SLC22A12: variants seen among roughly 807,000 people sequenced by gnomAD.
The protein encoded by SLC22A12 is solute carrier family 22 member 12.
SLC22A12 carries 56 observed loss-of-function variants against 52.7 expected under a neutral mutation model. The ratio of observed to expected loss-of-function variants is 1.06; its 90% confidence interval spans 0.86 to 1.33. The LOEUF is 1.33. Ranked by LOEUF, SLC22A12 falls within the 40% of genes most tolerant of loss-of-function variation. The pLI is 0.00. For missense variants in SLC22A12, 683 were observed against 741.5 expected, an observed-to-expected ratio of 0.92 and a Z score of 0.92; for synonymous variants, 337 against 324.6, an observed-to-expected ratio of 1.04 and a Z score of -0.41.
chr11:64,591,709 A>T lies in SLC22A12; in HGVS notation c.153A>T (p.Ala51=), dbSNP rs1345747920. ...CCGTGCCCAGCCACCGCTGCTGGGCACCCCTCCTGGACAACAGCACGGCTC... is the reference window on the plus strand; with the variant it reads ...CCGTGCCCAGCCACCGCTGCTGGGCTCCCCTCCTGGACAACAGCACGGCTC... ...SAAVPSHRCW[A]PLLDNSTAQA... The change falls in exon 1 of 10, where the codon GCA becomes GCT. Residue 51 remains alanine, a synonymous_variant. Transcript: ENST00000377574. 1.2e-6 allele frequency: 2 copies of T among 1,612,142 alleles called. No individual in the cohort carries two copies. Among genetic ancestry groups the T allele is most frequent in the African/African-American group, 2.7e-5 (2 of 74,834 alleles).
Position 64,600,144 on chromosome 11 carries a change from C to T in SLC22A12, c.1286-223C>T, listed in dbSNP as rs545807636. On this transcript the variant is annotated intron_variant, in intron 7 of 9. Coordinates refer to ENST00000377574, the MANE Select transcript of SLC22A12 (RefSeq NM_144585.4). Reference sequence around the variant, plus strand: ...GTGATGGATTGCAGGAGGAGGGAAACGGGGTCAAGAAGGACTCCTCGGGGC... The same window carrying T: ...GTGATGGATTGCAGGAGGAGGGAAATGGGGTCAAGAAGGACTCCTCGGGGC... Among the ~76,000 whole-genome samples the T allele has an allele frequency of 9.9e-5, 15 of 152,272 alleles. 1 individual carries two copies. In the South Asian group the frequency reaches 2.7e-3, roughly 27 times the overall value.
intron 2 of SLC22A12, among the ~76,000 whole-genome samples, 164 bp downstream of exon 2, chr11:64,593,046 AG>A (rs1227611186): frequency 6.6e-6 from 1 of 152,186 alleles, no homozygotes; most frequent in Non-Finnish European, 1.5e-5. Flanking sequence ...CGTGCCAGGT[AG>A]GGAGGTCTGG....
At chr11:64,592,958 C>G (rs865929844) in intron 2 of SLC22A12, 76 bp downstream of exon 2, 10 of 1,354,894 alleles carry the variant, frequency 7.4e-6, no homozygotes, top group Middle Eastern at 1.8e-4. Context: ...CCGACTGGCC[C>G]CAAACCAGCC....
At position 64,593,893 on chromosome 11, in the gene SLC22A12, G is replaced by C; in HGVS notation, c.830+90G>C. 4 of 1,529,340 alleles carry C rather than the reference G, an allele frequency of 2.6e-6. No individual in the cohort carries two copies. In the Admixed American group the frequency reaches 7.7e-5, roughly 30 times the overall value. 94.7% of individuals were successfully genotyped at this position (1,529,340 alleles called of 1,614,324 possible). ...GGAGACTCTCCTTTCCCTGGGGGCT[G>C]GGGAGTGCTAGAGGCCAGGGGTGCA... On this transcript the variant is annotated intron_variant, in intron 4 of 9. Transcript: ENST00000377574.
At chr11:64,594,732 G>C (rs1350006400) in intron 4 of SLC22A12, among the ~76,000 whole-genome samples, 1 of 144,758 alleles carries the variant, frequency 6.9e-6, no homozygotes, top group African/African-American at 2.5e-5. Context: ...TGGACGGACA[G>C]ACGGACGGAC....
chr11:64,591,281 AGG>A lies in SLC22A12; in HGVS notation c.-275_-274del, dbSNP rs2038908345. ...ACTTTCCAAATTCAGCTTTCCCGGG[AGG>A]TCTGGAGCAGCTGCCTCTCTGGGGA... is the stretch of plus-strand genomic sequence containing the variant. On this transcript the variant is annotated 5_prime_UTR_variant, in exon 1 of 10. Transcript: ENST00000377574. 2 of 499,918 alleles carry A rather than the reference AGG, an allele frequency of 4.0e-6. No homozygotes were observed. Among genetic ancestry groups the A allele is most frequent in the African/African-American group, 1.9e-5 (1 of 52,150 alleles). The allele number at this position is 499,918 out of a possible 1,614,324, so 31.0% of individuals were successfully genotyped here.
intron 1 of SLC22A12, 132 bp downstream of exon 1, chr11:64,592,090 C>T: frequency 1.4e-6 from 2 of 1,402,142 alleles, no homozygotes; most frequent in Non-Finnish European, 9.7e-7. Flanking sequence ...TCGAGCCTCT[C>T]AGCCCCTCGT....
At chr11:64,599,371 G>A (rs889380454) in intron 6 of SLC22A12, among the ~76,000 whole-genome samples, 6 of 152,078 alleles carry the variant, frequency 3.9e-5, no homozygotes, top group African/African-American at 1.4e-4. Flanking sequence ...AAGGGACATA[G>A]TCACTCCCAG....
At chr11:64,600,969 C>T in intron 9 of SLC22A12, 31 bp downstream of exon 9, 1 of 1,602,066 alleles carries the variant, frequency 6.2e-7, no homozygotes, top group Non-Finnish European at 8.5e-7. Context: ...GACCACCCCT[C>T]CCTCCCACCA....
chr11:64,593,549 G>A lies in SLC22A12; in HGVS notation c.651G>A (p.Thr217=), dbSNP rs746758204. 1.2e-5 allele frequency: 19 copies of A among 1,614,032 alleles called. No homozygotes were observed. The African/African-American group carries it at 1.3e-4, about 11-fold the overall frequency. The change falls in exon 3 of 10, where the codon ACG becomes ACA. Residue 217 remains threonine (T), a synonymous_variant. Coordinates refer to ENST00000377574, the MANE Select transcript of SLC22A12 (RefSeq NM_144585.4). ...CCGTGGCAGGCGTCATGATGAACAC[G>A]GGCACTCTCCGTAGGTCTCTGACCT... ...AFAVAGVMMN[T]GTLLMEWTAA...
chr11:64,595,094 A>T (rs866517517), intron 4 of SLC22A12, among the ~76,000 whole-genome samples: 7 of 40,082 alleles, frequency 1.7e-4, no homozygotes, highest in South Asian at 1.8e-3. Context: ...ATAGATGGAA[A>T]GGATGGATGG....
rs368230750 is a variant in SLC22A12 at position 64,598,933 on chromosome 11, C to T, written c.1070+10C>T. The T allele has an allele frequency of 8.1e-6, 13 of 1,612,114 alleles. No individual in the cohort carries two copies. The highest frequency in any genetic ancestry group is 2.7e-5 in the African/African-American group (2 of 74,936). ...TCTCCACGTTGTGCTGGTAGATGCC[C>T]TTCCCCCAACCCCACCTCCACAGGG... On this transcript the variant is annotated intron_variant, in intron 6 of 9. Transcript: ENST00000377574.
At chr11:64,600,327 G>C (rs766671825) in intron 7 of SLC22A12, 40 bp from the exon 8 acceptor site, 2 of 1,486,732 alleles carry the variant, frequency 1.3e-6, no homozygotes, top group Admixed American at 1.9e-5. Context: ...TCTGATCTTG[G>C]GCCCCCCACC....
chr11:64,601,659 C>T lies in SLC22A12; in HGVS notation c.*108C>T. 1.6e-6 allele frequency: 2 copies of T among 1,246,440 alleles called. No homozygotes were observed. Among genetic ancestry groups the T allele is most frequent in the Admixed American group, 1.9e-5 (1 of 51,338 alleles). The allele number at this position is 1,246,440 out of a possible 1,614,324, so 77.2% of individuals were successfully genotyped here. On this transcript the variant is annotated 3_prime_UTR_variant, in exon 10 of 10. Coordinates refer to ENST00000377574, the MANE Select transcript of SLC22A12 (RefSeq NM_144585.4). ...TCCATTTCCAGAGGCCCAGAGGCTG[C>T]CCTCTGAGGTCCCCACTCTCCCCCA...
Position 64,600,464 on chromosome 11 carries a change from CA to C in SLC22A12, c.1384del (p.Thr462LeufsTer5), listed in dbSNP as rs779053689. The C allele has an allele frequency of 1.2e-6, 2 of 1,603,094 alleles. No individual in the cohort carries two copies. Among genetic ancestry groups the C allele is most frequent in the Non-Finnish European group, 1.7e-6 (2 of 1,178,100 alleles). On this transcript the variant is annotated frameshift_variant, in exon 8 of 10. Coordinates refer to ENST00000377574, the MANE Select transcript of SLC22A12 (RefSeq NM_144585.4). LOFTEE classifies it high-confidence loss of function. ...CCATCTACAGCAGCGAGCTCTTCCC[CA>C]CTGTGCTCAGGTGAGGCTGGGCCTG... ...ITIYSSELFP[T>X]VLRMTAVGLG...
chr11:64,601,183 G>T (rs1470139275), intron 9 of SLC22A12, among the ~76,000 whole-genome samples: 1 of 152,176 alleles, frequency 6.6e-6, no homozygotes, highest in Non-Finnish European at 1.5e-5. Context: ...AGGCACAAAT[G>T]GACAAGCTCC....
intron 4 of SLC22A12, among the ~76,000 whole-genome samples, chr11:64,594,745 TTGGA>T (rs145084168): frequency 2.9e-4 from 34 of 118,216 alleles, no homozygotes; most frequent in South Asian, 8.5e-4. Context: ...GGACGGACGG[TTGGA>T]TGGATGGATG....
chr11:64,594,520 AGG>A (rs1418806384), intron 4 of SLC22A12, among the ~76,000 whole-genome samples: 129 of 146,072 alleles, frequency 8.8e-4, no homozygotes, highest in African/African-American at 2.3e-3. Context: ...GTAGGTAGGT[AGG>A]TAGATAGATA....
intron 4 of SLC22A12, among the ~76,000 whole-genome samples, chr11:64,594,251 A>G (rs575103655): frequency 6.6e-6 from 1 of 152,346 alleles, no homozygotes; most frequent in South Asian, 2.1e-4. Flanking sequence ...AGTCTGCTTC[A>G]TGGGCTGACA....
Sources: gnomAD v4.1 joint callset for allele counts (sites outside exome capture counted in the v4.1 genomes callset) on GRCh38, gnomAD v4.1.1 for gene constraint, MANE v1.5 for transcripts, NCBI Gene and HGNC (gene_info 2026-07-23, HGNC 2026-07-21) for gene names.